ANKRD16: variants seen among roughly 807,000 people sequenced by gnomAD.
ANKRD16 encodes the protein ankyrin repeat domain 16, also known as ankyrin repeat domain-containing protein 16.
A neutral mutation model predicts 37.9 loss-of-function variants in ANKRD16; 35 were observed. The ratio of observed to expected loss-of-function variants is 0.92; its 90% confidence interval spans 0.71 to 1.23. The LOEUF (loss-of-function observed/expected upper bound fraction) is 1.23, where lower values mean the gene tolerates loss of function less well. ANKRD16 is among the 50% of genes most tolerant of loss of function. ANKRD16 has a pLI of 0.00. For missense variants in ANKRD16, 480 were observed against 469.9 expected, an observed-to-expected ratio of 1.02 and a Z score of -0.20; for synonymous variants, 206 against 197.2, an observed-to-expected ratio of 1.04 and a Z score of -0.37.
intron 7 of ANKRD16, among the ~76,000 whole-genome samples, chr10:5,876,433 C>A (rs1000795036): frequency 7.2e-5 from 11 of 152,308 alleles, no homozygotes; most frequent in African/African-American, 2.6e-4. Context: ...GGAAAGAGGG[C>A]AGTCCCAGAC....
At chr10:5,875,397 AAAAACAATCAAC>A (rs1842167778) in intron 7 of ANKRD16, among the ~76,000 whole-genome samples, 1 of 152,228 alleles carries the variant, frequency 6.6e-6, no homozygotes, top group African/African-American at 2.4e-5. Flanking sequence ...AGTCGGGGAG[AAAAACAATCAAC>A]AAAATAAATA....
chr10:5,887,300 A>C (rs555705179), intron 2 of ANKRD16, among the ~76,000 whole-genome samples: 4 of 152,320 alleles, frequency 2.6e-5, no homozygotes, highest in African/African-American at 7.2e-5. Flanking sequence ...ACGAAAAATA[A>C]ATTAATACCA....
chr10:5,882,973 G>A, intron 5 of ANKRD16, 33 bp downstream of exon 5: 1 of 1,604,632 alleles, frequency 6.2e-7, no homozygotes, highest in East Asian at 2.2e-5. Context: ...AAGCCTCAGG[G>A]AAGCTCGGAC....
At position 5,889,135 on chromosome 10, in the gene ANKRD16, G is replaced by C; in HGVS notation, c.220C>G (p.Pro74Ala). The C allele has an allele frequency of 6.3e-7, 1 of 1,598,254 alleles. No homozygotes were observed. The highest frequency in any genetic ancestry group is 2.2e-5 in the East Asian group (1 of 44,766). Residue 74 changes from proline to alanine, a missense_variant, in exon 1 of 8, where the codon CCT becomes GCT. Transcript: ENST00000380094. ...CCCATGGAGGCCGCCTCGTGCAGAG[G>C]CCGCTTGTAGTCTCGGTTGGTGGCC... ...IEATNRDYKR[P>A]LHEAASMGHR... is the part of the protein sequence containing the mutation.
rs1330026768 is a variant in ANKRD16, at chr10:5,868,119, T to G, written c.*34-5428A>C. 6.6e-6 allele frequency among the ~76,000 whole-genome samples: 1 copy of G among 152,204 alleles called. No homozygotes were observed. Among genetic ancestry groups the G allele is most frequent in the African/African-American group, 2.4e-5 (1 of 41,462 alleles). ...CCCGTGACATCCATCTTGCTATTAC[T>G]CACCTTTGGGCCCTGTATTTTTAAC... On this transcript the variant is annotated intron_variant, in intron 7 of 7. Coordinates refer to ENST00000380094, the MANE Select transcript of ANKRD16 (RefSeq NM_019046.3). This position sits in a 1 kb window ranked among gnomAD's most constrained non-coding sequence, Gnocchi z 4.9.
At position 5,870,548 on chromosome 10, in the gene ANKRD16, C is replaced by T. The variant is rs1842072487; in HGVS notation, c.*33+7549G>A. Among the ~76,000 whole-genome samples, 1 of 152,070 alleles carries T rather than the reference C, an allele frequency of 6.6e-6. No individual in the cohort carries two copies. Among genetic ancestry groups the T allele is most frequent in the Non-Finnish European group, 1.5e-5 (1 of 68,002 alleles). On this transcript the variant is annotated intron_variant, in intron 7 of 7. Coordinates refer to ENST00000380094, the MANE Select transcript of ANKRD16 (RefSeq NM_019046.3). The surrounding 1 kb of genome is among the most constrained non-coding windows in gnomAD (Gnocchi z 5.0). ...CTTCCTTGGTAGCTGGGACTACAGG[C>T]ACACCACGCCCAGCTAATTTTTTGT...
intron 6 of ANKRD16, among the ~76,000 whole-genome samples, chr10:5,880,057 G>A (rs1589021284): frequency 6.6e-6 from 1 of 151,608 alleles, no homozygotes; most frequent in African/African-American, 2.4e-5. Context: ...TACTTGGGAG[G>A]CTGAGACATG....
chr10:5,889,075 C>A lies in ANKRD16; in HGVS notation c.280G>T (p.Gly94Trp), dbSNP rs372526816. 3.5e-5 allele frequency: 54 copies of A among 1,565,132 alleles called. No individual in the cohort carries two copies. The Admixed American group carries it at 9.5e-4, about 28-fold the overall frequency. ...TTCTTCAGGCAGTCGACCGCTGCCCCCCGGCCCAGCAGGTAGCGCACGCAG... is the reference window on the plus strand; with the variant it reads ...TTCTTCAGGCAGTCGACCGCTGCCCACCGGCCCAGCAGGTAGCGCACGCAG... ...RDCVRYLLGR[G>W]AAVDCLKKAD... Residue 94 changes from glycine to tryptophan, a missense_variant, in exon 1 of 8, where the codon GGG becomes TGG. Transcript: ENST00000380094.
intron 3 of ANKRD16, 145 bp downstream of exon 3, chr10:5,885,574 ATTCT>A (rs1245000229): frequency 4.9e-5 from 36 of 735,134 alleles, no homozygotes; most frequent in Non-Finnish European, 7.7e-5. Flanking sequence ...TTTGTTTCAT[ATTCT>A]TTATCTGCTA....
intron 3 of ANKRD16, among the ~76,000 whole-genome samples, chr10:5,885,206 A>G (rs1286958217): frequency 6.6e-6 from 1 of 151,878 alleles, no homozygotes; most frequent in Non-Finnish European, 1.5e-5. Flanking sequence ...TTTGAGACAG[A>G]GTCTTGCTCT....
intron 7 of ANKRD16, among the ~76,000 whole-genome samples, chr10:5,867,513 G>A (rs1320326783): frequency 1.3e-5 from 2 of 152,186 alleles, no homozygotes; most frequent in African/African-American, 2.4e-5. Flanking sequence ...TGGACTGAAC[G>A]AGGTTTTATT....
intron 5 of ANKRD16, among the ~76,000 whole-genome samples, chr10:5,881,437 T>TA (rs1238586497): frequency 3.2e-4 from 6 of 18,902 alleles, no homozygotes; most frequent in South Asian, 3.3e-3. Flanking sequence ...AAAAATATTA[T>TA]TTATATATAT....
rs1017757700 is a variant in ANKRD16 at position 5,874,462 on chromosome 10, G to T, written c.*33+3635C>A. On this transcript the variant is annotated intron_variant, in intron 7 of 7. Coordinates refer to ENST00000380094, the MANE Select transcript of ANKRD16 (RefSeq NM_019046.3). This position sits in a 1 kb window ranked among gnomAD's most constrained non-coding sequence, Gnocchi z 4.7. ...AGACATGGCTGCCACTCTCTAGGAGGAGAGTGAGAGAGCTTGGGCAGGAGT... is the reference window on the plus strand; with the variant it reads ...AGACATGGCTGCCACTCTCTAGGAGTAGAGTGAGAGAGCTTGGGCAGGAGT... 1.5e-4 allele frequency among the ~76,000 whole-genome samples: 23 copies of T among 152,202 alleles called. No individual in the cohort carries two copies. Among genetic ancestry groups the T allele is most frequent in the Non-Finnish European group, 1.3e-4 (9 of 68,038 alleles).
In ANKRD16 at chr10:5,889,734, C is replaced by T. The variant is rs888865771; in HGVS notation, c.-380G>A. The T allele has an allele frequency of 4.9e-5, 8 of 161,996 alleles. No homozygotes were observed. Among genetic ancestry groups the T allele is most frequent in the African/African-American group, 1.9e-4 (8 of 41,966 alleles). The allele number at this position is 161,996 out of a possible 1,614,324, so 10.0% of individuals were successfully genotyped here. A position where few individuals can be genotyped will look rare whatever the true frequency, so the allele number is the denominator to read the frequency against. ...GCAGCGGCCCGTACGTGATTCGGGA[C>T]TGAACACGTAAGGGAGTGGGGCGCG... On this transcript the variant is annotated 5_prime_UTR_variant, in exon 1 of 8. Transcript: ENST00000380094.
intron 3 of ANKRD16, 134 bp downstream of exon 3, chr10:5,885,589 T>C (rs1309227415): frequency 4.8e-6 from 4 of 834,728 alleles, no homozygotes; most frequent in Non-Finnish European, 7.6e-6. Flanking sequence ...TTATCTGCTA[T>C]GTCTTTTGTT....
At position 5,866,345 on chromosome 10, in the gene ANKRD16, T is replaced by C. The variant is rs1172906245; in HGVS notation, c.*34-3654A>G. On this transcript the variant is annotated intron_variant, in intron 7 of 7. Transcript: ENST00000380094. The surrounding 1 kb of genome is among the most constrained non-coding windows in gnomAD (Gnocchi z 4.3). ...TTAATCCTGACCTTAATCTATATAC[T>C]GATGAAAGTTCATTTGTGGTGGAGA... Among the ~76,000 whole-genome samples the C allele has an allele frequency of 1.3e-5, 2 of 152,212 alleles. No homozygotes were observed. The highest frequency in any genetic ancestry group is 4.8e-5 in the African/African-American group (2 of 41,456).
intron 7 of ANKRD16, among the ~76,000 whole-genome samples, chr10:5,873,168 T>C (rs1158538674): frequency 6.6e-6 from 1 of 151,998 alleles, no homozygotes; most frequent in Non-Finnish European, 1.5e-5. Context: ...CAGCTGGAAC[T>C]ACAGTCGCAT....
At position 5,884,068 on chromosome 10, in the gene ANKRD16, A is replaced by G; in HGVS notation, c.588T>C (p.Tyr196=). Residue 196 remains tyrosine (Y), a synonymous_variant, in exon 4 of 8, where the codon TAT becomes TAC. Coordinates refer to ENST00000380094, the MANE Select transcript of ANKRD16 (RefSeq NM_019046.3). ...AVKVLLKRCQ[Y]EPDYRDNCGV... The stretch of plus-strand genomic sequence containing the variant: ...CACAGTTGTCTCTGTAGTCTGGTTC[A>G]TATTGGCACCTAGAGCCAAAACCCC... 3.1e-6 allele frequency: 5 copies of G among 1,613,966 alleles called. No homozygotes were observed. The highest frequency in any genetic ancestry group is 4.2e-6 in the Non-Finnish European group (5 of 1,179,994).
intron 7 of ANKRD16, among the ~76,000 whole-genome samples, chr10:5,873,188 C>T (rs1019617947): frequency 6.6e-6 from 1 of 152,092 alleles, no homozygotes; most frequent in African/African-American, 2.4e-5. Context: ...TGCCACCATG[C>T]CCAGCTAACT....
Sources: allele counts gnomAD v4.1 joint callset (sites outside exome capture counted in the v4.1 genomes callset), GRCh38; gene constraint gnomAD v4.1.1; non-coding constraint Gnocchi (gnomAD v3.1); transcripts MANE v1.5; gene names NCBI Gene and HGNC (gene_info 2026-07-23, HGNC 2026-07-21).